Variants in CSMD2 observed in about 807,000 individuals in gnomAD.
CSMD2 encodes the protein CUB and Sushi multiple domains 2.
CSMD2 carries 130 observed loss-of-function variants against 398.5 expected under a neutral mutation model. That is an observed-to-expected ratio of 0.33 (90% confidence interval 0.28 to 0.38). The LOEUF is 0.38. CSMD2 is among the 10% of genes least tolerant of loss of function. The pLI is 1.00. For missense variants in CSMD2, 3,829 were observed against 4,764.9 expected (o/e 0.80, Z 5.78); for synonymous variants, 1,828 against 1,908.5 (o/e 0.96, Z 1.10).
At chr1:33,708,573 T>C (rs1188431626) in intron 22 of CSMD2, among the ~76,000 whole-genome samples, 1 of 96,002 alleles carries the variant, frequency 1.0e-5, no homozygotes, top group Non-Finnish European at 2.2e-5. Flanking sequence ...ACTGGATCCA[T>C]TGGCTGCTCC....
At chr1:34,062,538 G>C (rs1183779029) in intron 2 of CSMD2, among the ~76,000 whole-genome samples, 1 of 152,202 alleles carries the variant, frequency 6.6e-6, no homozygotes, top group African/African-American at 2.4e-5. Context: ...GACAGGGAAG[G>C]TGGTGAAGAG....
intron 3 of CSMD2, among the ~76,000 whole-genome samples, chr1:33,950,387 G>C (rs1214374098): frequency 1.8e-5 from 1 of 56,858 alleles, no homozygotes; most frequent in Non-Finnish European, 3.6e-5. Flanking sequence ...CTCCAGCAGA[G>C]AGAGAGAGAG....
chr1:33,752,751 G>A (rs981052796), intron 13 of CSMD2, among the ~76,000 whole-genome samples: 3 of 152,182 alleles, frequency 2.0e-5, no homozygotes, highest in Non-Finnish European at 2.9e-5. Context: ...TTAAAAGGTT[G>A]TCACCAAAAT....
chr1:33,959,864 T>C (rs1222637902), intron 3 of CSMD2, among the ~76,000 whole-genome samples: 2 of 152,212 alleles, frequency 1.3e-5, no homozygotes, highest in Non-Finnish European at 2.9e-5. Flanking sequence ...TATTTTTTGA[T>C]TGGCTTGCCC....
At chr1:33,990,957 T>C (rs1265981048) in intron 3 of CSMD2, among the ~76,000 whole-genome samples, 1 of 151,188 alleles carries the variant, frequency 6.6e-6, no homozygotes, top group Non-Finnish European at 1.5e-5. Flanking sequence ...GACATATTTA[T>C]GGTAAAATAG....
intron 5 of CSMD2, among the ~76,000 whole-genome samples, chr1:33,865,438 T>A (rs942258939): frequency 4.1e-5 from 6 of 147,990 alleles, no homozygotes; most frequent in Admixed American, 2.0e-4. Flanking sequence ...GGGAACCAGA[T>A]CAATCGTTTT....
chr1:33,698,150 T>C (rs1645484786), intron 24 of CSMD2, among the ~76,000 whole-genome samples: 1 of 152,202 alleles, frequency 6.6e-6, no homozygotes, highest in Admixed American at 6.5e-5. Context: ...CAGATCACTG[T>C]CTCTTGTCCT....
chr1:33,817,049 G>C (rs1657544269), intron 9 of CSMD2, among the ~76,000 whole-genome samples: 1 of 152,170 alleles, frequency 6.6e-6, no homozygotes, highest in African/African-American at 2.4e-5. Context: ...TCATTCTTAA[G>C]GTGGGGTTCA....
intron 2 of CSMD2, among the ~76,000 whole-genome samples, chr1:34,050,251 CT>C (rs1653022517): frequency 6.6e-6 from 1 of 152,230 alleles, no homozygotes; most frequent in African/African-American, 2.4e-5. Context: ...TAACACTGGA[CT>C]GCTTCCATTG....
chr1:33,924,033 C>T (rs561143729), intron 4 of CSMD2, among the ~76,000 whole-genome samples: 24 of 152,338 alleles, frequency 1.6e-4, no homozygotes, highest in Admixed American at 1.0e-3. Context: ...ACACAGCCTT[C>T]CCAGCCTCTG....
At chr1:33,658,425 T>C (rs1369077921) in intron 26 of CSMD2, among the ~76,000 whole-genome samples, 1 of 152,234 alleles carries the variant, frequency 6.6e-6, no homozygotes, top group African/African-American at 2.4e-5. Context: ...TGAGATGCTA[T>C]GAGTTAAGCA....
intron 2 of CSMD2, among the ~76,000 whole-genome samples, chr1:34,085,826 C>G (rs976092277): frequency 6.6e-6 from 1 of 152,006 alleles, no homozygotes; most frequent in Non-Finnish European, 1.5e-5. Flanking sequence ...CTGAGGTGAA[C>G]AAAGACTCTT....
At chr1:33,595,953 C>T (rs1236041085) in intron 44 of CSMD2, among the ~76,000 whole-genome samples, 1 of 152,144 alleles carries the variant, frequency 6.6e-6, no homozygotes, top group African/African-American at 2.4e-5. Context: ...CAAACATGCC[C>T]CACTCACACA....
intron 2 of CSMD2, among the ~76,000 whole-genome samples, chr1:34,033,801 G>A (rs1293815712): frequency 6.6e-6 from 1 of 152,186 alleles, no homozygotes; most frequent in Non-Finnish European, 1.5e-5. Context: ...ATCCACTGAA[G>A]GGCATGAGTA....
chr1:33,859,877 C>T (rs1284452433), intron 5 of CSMD2, among the ~76,000 whole-genome samples: 2 of 152,166 alleles, frequency 1.3e-5, no homozygotes, highest in Non-Finnish European at 1.5e-5. Context: ...AAATCTGGCC[C>T]TGTGATTCCT....
chr1:33,701,925 A>G (rs1298470319), intron 22 of CSMD2, among the ~76,000 whole-genome samples: 1 of 152,226 alleles, frequency 6.6e-6, no homozygotes. Flanking sequence ...AAGAAAGACA[A>G]TCAGACACCA....
intron 62 of CSMD2, 107 bp from the exon 63 acceptor site, chr1:33,534,014 G>A (rs552313985): frequency 3.0e-6 from 2 of 656,090 alleles, no homozygotes; most frequent in East Asian, 2.8e-5. Flanking sequence ...ACTGTTGCCT[G>A]CAAAACTCTT....
At chr1:33,599,689 G>A (rs1483489647) in intron 44 of CSMD2, 1 of 154,836 alleles carries the variant, frequency 6.5e-6, no homozygotes, top group East Asian at 1.9e-4. Flanking sequence ...GGAGCGACAG[G>A]TGTGCCCAAT....
chr1:33,543,598 G>A (rs1656570859), intron 57 of CSMD2, among the ~76,000 whole-genome samples: 2 of 152,220 alleles, frequency 1.3e-5, no homozygotes, highest in Non-Finnish European at 2.9e-5. Flanking sequence ...CCTGCCTAAT[G>A]TGGCATTATG....
Sources: gnomAD v4.1 joint callset for allele counts (sites outside exome capture counted in the v4.1 genomes callset) on GRCh38, gnomAD v4.1.1 for gene constraint, MANE v1.5 for transcripts, NCBI Gene and HGNC (gene_info 2026-07-23, HGNC 2026-07-21) for gene names.